Variants in ZSCAN25 observed in about 807,000 individuals in gnomAD.
ZSCAN25 encodes the protein zinc finger and SCAN domain containing 25.
ZSCAN25 carries 27 observed loss-of-function variants against 38.7 expected under a neutral mutation model. The ratio of observed to expected loss-of-function variants is 0.70; its 90% CI spans 0.51 to 0.96. The LOEUF (loss-of-function observed/expected upper bound fraction) is 0.96. Among genes scored for constraint, ZSCAN25 ranks in the 40% least tolerant of loss-of-function variants. The pLI, the probability that ZSCAN25 is intolerant of heterozygous loss-of-function variation, is 0.00. For missense variants in ZSCAN25, 637 were observed against 705.9 expected (o/e 0.90, Z 1.11); for synonymous variants, 273 against 277.7 (o/e 0.98, Z 0.17).
the ZSCAN25 span, among the ~76,000 whole-genome samples, chr7:99,695,462 A>C: frequency 6.6e-6 from 1 of 152,268 alleles, no homozygotes; most frequent in South Asian, 2.1e-4. Flanking sequence ...GGCAAAAGAA[A>C]AATGTTCTTT....
At chr7:99,691,334 C>A in the ZSCAN25 span, among the ~76,000 whole-genome samples, 2 of 152,086 alleles carry the variant, frequency 1.3e-5, no homozygotes, top group African/African-American at 4.8e-5. Flanking sequence ...AGGAGATATA[C>A]CTAATGCTAA....
chr7:99,676,812 T>G, the ZSCAN25 span, among the ~76,000 whole-genome samples: 1 of 152,146 alleles, frequency 6.6e-6, no homozygotes, highest in Admixed American at 6.5e-5. Context: ...AGTCCTTATT[T>G]CTACAGATTG....
At chr7:99,695,749 A>G in the ZSCAN25 span, 5 of 1,613,284 alleles carry the variant, frequency 3.1e-6, no homozygotes, top group Admixed American at 3.3e-5. Flanking sequence ...CACTCACCTG[A>G]TGGTAGGACA....
chr7:99,664,081 G>A, the ZSCAN25 span: 9 of 1,586,760 alleles, frequency 5.7e-6, no homozygotes, highest in Non-Finnish European at 6.8e-6. Context: ...ACTGGGGTAA[G>A]GAATGGAAAG....
the ZSCAN25 span, chr7:99,708,040 G>T: frequency 1.9e-6 from 3 of 1,610,936 alleles, no homozygotes; most frequent in Non-Finnish European, 2.5e-6. Flanking sequence ...TACATGTTAG[G>T]GTTTCTTACT....
chr7:99,643,110 G>T, the ZSCAN25 span, among the ~76,000 whole-genome samples: 1 of 152,062 alleles, frequency 6.6e-6, no homozygotes, highest in South Asian at 2.1e-4. Context: ...TATTTTTGAA[G>T]TAGAAATAAA....
the ZSCAN25 span, among the ~76,000 whole-genome samples, chr7:99,703,760 A>C: frequency 6.6e-6 from 1 of 151,994 alleles, no homozygotes; most frequent in Admixed American, 6.6e-5. Flanking sequence ...CTTCCCACTC[A>C]TGGATGCCCT....
the ZSCAN25 span, among the ~76,000 whole-genome samples, chr7:99,736,442 A>C: frequency 6.6e-6 from 1 of 152,162 alleles, no homozygotes; most frequent in Non-Finnish European, 1.5e-5. Context: ...GCTGGTAGAG[A>C]TGAGGCCTGT....
At chr7:99,709,786 G>A in the ZSCAN25 span, among the ~76,000 whole-genome samples, 148 of 151,838 alleles carry the variant, frequency 9.7e-4, no homozygotes, top group African/African-American at 3.4e-3. Flanking sequence ...GTGTGTGTGT[G>A]TGTATATATA....
chr7:99,621,594 TG>T lies in ZSCAN25; in HGVS notation c.589+24del. 2 of 1,375,158 alleles carry T rather than the reference TG, an allele frequency of 1.5e-6. No homozygotes were observed. Among genetic ancestry groups the T allele is most frequent in the African/African-American group, 1.5e-5 (1 of 68,596 alleles). The allele number at this position is 1,375,158 out of a possible 1,614,324, so 85.2% of individuals were successfully genotyped here. Reference sequence around the variant, plus strand: ...AGCAAGGTGAGTAAGACGCAGATAGTGGGGATGTCAGGTCATAGGAAACAGT... The same window carrying T: ...AGCAAGGTGAGTAAGACGCAGATAGTGGGATGTCAGGTCATAGGAAACAGT... On this transcript the variant is annotated intron_variant, in intron 5 of 7. Transcript: ENST00000394152.
chr7:99,632,989 G>GTTTTTTTTTTTTTTTTTTTTTTGT (rs751799800), downstream of ZSCAN25, among the ~76,000 whole-genome samples: 2 of 128,526 alleles, frequency 1.6e-5, no homozygotes, highest in African/African-American at 6.0e-5. Flanking sequence ...ATTTTCTGTT[G>GTTTTTTTTTTTTTTTTTTTTTTGT]TTTTTTTTTT....
chr7:99,619,462 T>A, intron 3 of ZSCAN25, 99 bp from the exon 4 acceptor site: 3 of 999,540 alleles, frequency 3.0e-6, no homozygotes, highest in South Asian at 3.3e-5. Context: ...TGAAAATGCC[T>A]TGTAAAAGGT....
chr7:99,713,284 C>T, the ZSCAN25 span, among the ~76,000 whole-genome samples: 1 of 152,172 alleles, frequency 6.6e-6, no homozygotes, highest in African/African-American at 2.4e-5. Context: ...AAGCTTAGAA[C>T]ATGGCTATCT....
the ZSCAN25 span, among the ~76,000 whole-genome samples, chr7:99,691,279 T>A: frequency 1.4e-5 from 2 of 142,204 alleles, no homozygotes; most frequent in Admixed American, 1.5e-4. Flanking sequence ...AACATCACAC[T>A]CCGGGGACTG....
At chr7:99,699,678 T>C in the ZSCAN25 span, among the ~76,000 whole-genome samples, 1 of 152,184 alleles carries the variant, frequency 6.6e-6, no homozygotes, top group Admixed American at 6.5e-5. Flanking sequence ...TTCATTTTCA[T>C]TGATTAGTAT....
the ZSCAN25 span, among the ~76,000 whole-genome samples, chr7:99,646,646 C>G: frequency 6.6e-6 from 1 of 152,106 alleles, no homozygotes; most frequent in South Asian, 2.1e-4. Context: ...TTAGTCCTAG[C>G]CCTGGCATCA....
the ZSCAN25 span, chr7:99,685,095 G>T: frequency 7.2e-7 from 1 of 1,387,692 alleles, no homozygotes; most frequent in Non-Finnish European, 1.0e-6. Flanking sequence ...TGGTGTTCTA[G>T]GTCACAGCTT....
At chr7:99,627,683 A>G (rs73408523) in intron 7 of ZSCAN25, among the ~76,000 whole-genome samples, 4,475 of 151,634 alleles carry the variant, frequency 0.03, 226 homozygotes, top group African/African-American at 0.1. Flanking sequence ...TATATCATGT[A>G]TATGCTGTAT....
chr7:99,625,350 T>C (rs1807379469), intron 7 of ZSCAN25, among the ~76,000 whole-genome samples: 1 of 152,138 alleles, frequency 6.6e-6, no homozygotes. Flanking sequence ...ACCACAGAGG[T>C]GGACTTGGCT....
Sources: gnomAD v4.1 joint callset for allele counts (sites outside exome capture counted in the v4.1 genomes callset) on GRCh38, gnomAD v4.1.1 for gene constraint, MANE v1.5 for transcripts, NCBI Gene and HGNC (gene_info 2026-07-23, HGNC 2026-07-21) for gene names.